PLA2G4C: variants seen among roughly 807,000 people sequenced by gnomAD.
PLA2G4C encodes phospholipase A2 group IVC, also known as cytosolic phospholipase A2 gamma.
In PLA2G4C, 64 loss-of-function variants were observed where a neutral mutation model predicts 73.8. That is an observed-to-expected ratio of 0.87 (90% CI 0.71 to 1.07). The LOEUF is 1.07. Among genes scored for constraint, PLA2G4C ranks in the 50% least tolerant of loss-of-function variants. The pLI is 0.00. For missense variants in PLA2G4C, 622 were observed against 665.4 expected (o/e 0.93, Z 0.72); for synonymous variants, 254 against 252.1 (o/e 1.01, Z -0.07).
At chr19:48,102,231 C>T (rs974692457) in intron 4 of PLA2G4C, among the ~76,000 whole-genome samples, 11 of 152,084 alleles carry the variant, frequency 7.2e-5, no homozygotes, top group Admixed American at 7.2e-4. Context: ...TGGCTTACAC[C>T]TGTAATTCCA....
rs561634866 is a variant in PLA2G4C at position 48,105,074 on chromosome 19, C to T, written c.120+259G>A. 1.4e-4 allele frequency among the ~76,000 whole-genome samples: 14 copies of T among 99,674 alleles called. No homozygotes were observed. The East Asian group carries it at 3.2e-3, about 23-fold the overall frequency. 65.4% of individuals were successfully genotyped at this position (99,674 alleles called of 152,430 possible). Reference sequence around the variant, plus strand: ...TTCCAGCCTGGGTGACAGAGCGAGACGTTGTCTCAAAAAAAAAAAAAAAAA... The same window carrying T: ...TTCCAGCCTGGGTGACAGAGCGAGATGTTGTCTCAAAAAAAAAAAAAAAAA... On this transcript the variant is annotated intron_variant, in intron 3 of 16. Coordinates refer to ENST00000599921, the MANE Select transcript of PLA2G4C (RefSeq NM_003706.3).
In PLA2G4C at chr19:48,104,662, C is replaced by T. The variant is rs148519295; in HGVS notation, c.183G>A (p.Gly61=). Residue 61 remains glycine, a synonymous_variant, in exon 4 of 17, where the codon GGG becomes GGA. Transcript: ENST00000599921. ...GGLRAHIACL[G]VLSEMKEQGL... ...CCTGTTCTTTCATCTCACTCAGGAC[C>T]CCAAGGCAGGCAATGTGAGCCCGCA... The T allele has an allele frequency of 6.2e-7, 1 of 1,614,064 alleles. No individual in the cohort carries two copies. The highest frequency in any genetic ancestry group is 1.3e-5 in the African/African-American group (1 of 75,030).
intron 15 of PLA2G4C, among the ~76,000 whole-genome samples, chr19:48,053,743 C>A (rs1417231457): frequency 1.3e-5 from 2 of 152,116 alleles, no homozygotes. Flanking sequence ...GCATAGGTAA[C>A]CAATAAATGT....
intron 16 of PLA2G4C, chr19:48,052,225 G>A (rs1210525895): frequency 6.6e-6 from 1 of 152,166 alleles, no homozygotes; most frequent in Non-Finnish European, 1.5e-5. Flanking sequence ...GGGGTCCTGA[G>A]ATTTCATTTT....
At chr19:48,065,949 C>T (rs915260590) in intron 13 of PLA2G4C, among the ~76,000 whole-genome samples, 20 of 151,920 alleles carry the variant, frequency 1.3e-4, no homozygotes, top group Non-Finnish European at 2.2e-4. Context: ...CAAAATTAGC[C>T]AGGCGTGGTG....
At chr19:48,049,192 A>T (rs1391398338) in intron 16 of PLA2G4C, among the ~76,000 whole-genome samples, 1 of 152,164 alleles carries the variant, frequency 6.6e-6, no homozygotes, top group Non-Finnish European at 1.5e-5. Flanking sequence ...ATATGCCTTT[A>T]TATTAGTACA....
At chr19:48,062,351 C>T (rs1414800056) in intron 13 of PLA2G4C, 199 bp from the exon 14 acceptor site, 2 of 431,058 alleles carry the variant, frequency 4.6e-6, no homozygotes, top group Non-Finnish European at 8.2e-6. Flanking sequence ...TGCCTCACAC[C>T]TGAAATCCCA....
rs1260652886 is a variant in PLA2G4C at position 48,098,266 on chromosome 19, G to A, written c.448-7C>T. 7.4e-6 allele frequency: 12 copies of A among 1,610,860 alleles called. No homozygotes were observed. Among genetic ancestry groups the A allele is most frequent in the Non-Finnish European group, 1.0e-5 (12 of 1,178,386 alleles). On this transcript the variant is annotated splice_region_variant and splice_polypyrimidine_tract_variant and intron_variant, in intron 5 of 16. Coordinates refer to ENST00000599921, the MANE Select transcript of PLA2G4C (RefSeq NM_003706.3). ...ACAAATGAGACTCCGGCAGCTTTGG[G>A]AGAAGGTGCCAAGACAGTGTGAGGG...
At chr19:48,109,838 A>C (rs1481724381) in intron 1 of PLA2G4C, among the ~76,000 whole-genome samples, 1 of 151,282 alleles carries the variant, frequency 6.6e-6, no homozygotes, top group Non-Finnish European at 1.5e-5. Context: ...TTTAGTTGAG[A>C]CGGGGTTTCA....
intron 12 of PLA2G4C, among the ~76,000 whole-genome samples, chr19:48,070,950 C>A (rs528208830): frequency 1.3e-5 from 2 of 152,126 alleles, no homozygotes; most frequent in East Asian, 3.9e-4. Flanking sequence ...TTGGCCTGCC[C>A]CATGGATTTT....
rs369282495 is a variant in PLA2G4C, at chr19:48,100,492, C to A, written c.258-632G>T. On this transcript the variant is annotated intron_variant, in intron 4 of 16. Coordinates refer to ENST00000599921, the MANE Select transcript of PLA2G4C (RefSeq NM_003706.3). ...TGGTGGCACACGCCTGTGGTCCCAG[C>A]TGCTCAGGAGGCTGAAGCAGAGGAA... Among the ~76,000 whole-genome samples the A allele has an allele frequency of 4.0e-5, 6 of 151,428 alleles. No individual in the cohort carries two copies. In the East Asian group the frequency reaches 9.8e-4, roughly 25 times the overall value.
At chr19:48,062,756 C>T (rs1968239763) in intron 13 of PLA2G4C, among the ~76,000 whole-genome samples, 1 of 152,144 alleles carries the variant, frequency 6.6e-6, no homozygotes, top group Non-Finnish European at 1.5e-5. Flanking sequence ...ATGAAGCTGC[C>T]TTCTCAGCAG....
Position 48,098,258 on chromosome 19 carries a change from A to G in PLA2G4C, c.449T>C (p.Leu150Pro). 6.2e-7 allele frequency: 1 copy of G among 1,611,466 alleles called. No homozygotes were observed. The highest frequency in any genetic ancestry group is 8.5e-7 in the Non-Finnish European group (1 of 1,178,668). Residue 150 changes from leucine to proline, a missense_variant and splice_region_variant, in exon 6 of 17, where the codon CTG becomes CCG. Transcript: ENST00000599921. Reference protein sequence around the residue: ...YMVISKQTRELPESHLSNMKK... With the variant: ...YMVISKQTREPPESHLSNMKK... ...CATATTGGACAAATGAGACTCCGGCAGCTTTGGGAGAAGGTGCCAAGACAG... is the reference window on the plus strand; with the variant it reads ...CATATTGGACAAATGAGACTCCGGCGGCTTTGGGAGAAGGTGCCAAGACAG...
intron 1 of PLA2G4C, among the ~76,000 whole-genome samples, chr19:48,109,774 G>A (rs576609103): frequency 4.6e-5 from 7 of 151,890 alleles, no homozygotes; most frequent in African/African-American, 1.4e-4. Context: ...CTCAGCCTCC[G>A]GAGTAGCTGG....
At chr19:48,054,246 G>T (rs1174351477) in intron 15 of PLA2G4C, among the ~76,000 whole-genome samples, 2 of 152,156 alleles carry the variant, frequency 1.3e-5, no homozygotes, top group Non-Finnish European at 2.9e-5. Context: ...GCATGGAAGT[G>T]GTTACCCTCA....
chr19:48,098,713 TAAAAAAAAAAAAA>T lies in PLA2G4C; in HGVS notation c.448-467_448-455del, dbSNP rs548688675. On this transcript the variant is annotated intron_variant, in intron 5 of 16. Coordinates refer to ENST00000599921, the MANE Select transcript of PLA2G4C (RefSeq NM_003706.3). ...GAGCAAAAAAGCGAAACCCTATCTC[TAAAAAAAAAAAAA>T]AAAAAAAAAAAAAAAAAAAAAAAAA... Among the ~76,000 whole-genome samples the T allele has an allele frequency of 9.0e-3, 278 of 30,894 alleles. 11 individuals are homozygous for T. The highest frequency in any genetic ancestry group is 0.027 in the African/African-American group (244 of 9,152). The allele number at this position is 30,894 out of a possible 152,430, so 20.3% of individuals were successfully genotyped here.
At chr19:48,084,123 G>A (rs1309443718) in intron 10 of PLA2G4C, among the ~76,000 whole-genome samples, 2 of 151,560 alleles carry the variant, frequency 1.3e-5, no homozygotes, top group African/African-American at 4.8e-5. Flanking sequence ...GTAGTGGTGT[G>A]ATCTTAGCTC....
chr19:48,081,715 C>A (rs1306175226), intron 10 of PLA2G4C, among the ~76,000 whole-genome samples: 1 of 151,294 alleles, frequency 6.6e-6, no homozygotes, highest in Non-Finnish European at 1.5e-5. Context: ...GCAGAGATCG[C>A]TCCATTGCAC....
chr19:48,067,934 G>A (rs1016017484), intron 12 of PLA2G4C, 48 bp from the exon 13 acceptor site: 1 of 1,304,598 alleles, frequency 7.7e-7, no homozygotes. Context: ...GAGACTGAGT[G>A]GTTTCTGCCC....
Sources: allele counts gnomAD v4.1 joint callset (sites outside exome capture counted in the v4.1 genomes callset), GRCh38; gene constraint gnomAD v4.1.1; transcripts MANE v1.5; gene names NCBI Gene and HGNC (gene_info 2026-07-23, HGNC 2026-07-21).